The following ABTB2 variants were observed in gnomAD, a reference collection of about 807,000 sequenced individuals.
The protein encoded by ABTB2 is ankyrin repeat and BTB/POZ domain-containing protein 2.
In ABTB2, 56 loss-of-function variants were observed where a neutral mutation model predicts 104.1. The observed-to-expected ratio is 0.54, with a 90% CI of 0.43 to 0.67. The LOEUF (loss-of-function observed/expected upper bound fraction) is 0.67. ABTB2 is among the 30% of genes least tolerant of loss of function. The pLI is 0.00. For missense variants in ABTB2, 1,279 were observed against 1,407.7 expected, an observed-to-expected ratio of 0.91 and a Z score of 1.46; for synonymous variants, 606 against 608.2, an observed-to-expected ratio of 1.00 and a Z score of 0.05.
In ABTB2 at chr11:34,340,634, C is replaced by T. The variant is rs1423961516; in HGVS notation, c.883+16067G>A. Among the ~76,000 whole-genome samples the T allele has an allele frequency of 2.6e-5, 4 of 152,316 alleles. No individual in the cohort carries two copies. The South Asian group carries it at 8.3e-4, about 32-fold the overall frequency. The stretch of plus-strand genomic sequence containing the variant: ...TCCCAAAGCCACCCTCAGCTAAGAT[C>T]TCAGTGAAGCCTCTGTTAGACTCAG... On this transcript the variant is annotated intron_variant, in intron 1 of 16. Coordinates refer to ENST00000435224, the MANE Select transcript of ABTB2 (RefSeq NM_145804.3).
chr11:34,338,787 T>C (rs1564936082), intron 1 of ABTB2, among the ~76,000 whole-genome samples: 1 of 152,220 alleles, frequency 6.6e-6, no homozygotes, highest in Non-Finnish European at 1.5e-5. Context: ...AGAATACTAA[T>C]GTTATTTTCA....
At chr11:34,319,888 G>A (rs1296039783) in intron 1 of ABTB2, among the ~76,000 whole-genome samples, 6 of 152,090 alleles carry the variant, frequency 3.9e-5, no homozygotes, top group Middle Eastern at 3.4e-3. Flanking sequence ...GGCTGGTCTC[G>A]AACTCCTGAC....
intron 2 of ABTB2, among the ~76,000 whole-genome samples, chr11:34,201,943 AC>A (rs1853345503): frequency 6.6e-6 from 1 of 152,138 alleles, no homozygotes; most frequent in South Asian, 2.1e-4. Context: ...GAACATGCAT[AC>A]TCACAGGCAT....
chr11:34,151,086 T>TAAAA lies in ABTB2; in HGVS notation c.*1297_*1300dup, dbSNP rs1477060987. The TAAAA allele has an allele frequency of 6.5e-6, 1 of 152,686 alleles. No homozygotes were observed. The allele number at this position is 152,686 out of a possible 1,614,324, so 9.5% of individuals were successfully genotyped here. A position where few individuals can be genotyped will look rare whatever the true frequency, so the allele number is the denominator to read the frequency against. ...AAAGTATCATACAATATTACAGCAATAAAATAATGCCTATTTCTTTGTACA... is the reference window on the plus strand; with the variant it reads ...AAAGTATCATACAATATTACAGCAATAAAAAAAATAATGCCTATTTCTTTGTACA... On this transcript the variant is annotated 3_prime_UTR_variant, in exon 17 of 17. Coordinates refer to ENST00000435224, the MANE Select transcript of ABTB2 (RefSeq NM_145804.3).
intron 1 of ABTB2, among the ~76,000 whole-genome samples, 179 bp from the exon 2 acceptor site, chr11:34,204,869 G>C (rs543838598): frequency 6.6e-6 from 1 of 152,170 alleles, no homozygotes; most frequent in Non-Finnish European, 1.5e-5. Flanking sequence ...GGTGCTATAG[G>C]GGCCAGAATG....
chr11:34,233,363 G>T (rs569617696), intron 1 of ABTB2, among the ~76,000 whole-genome samples: 3 of 142,346 alleles, frequency 2.1e-5, no homozygotes, highest in Non-Finnish European at 3.0e-5. Flanking sequence ...GAGCCTCCTT[G>T]TTGCCCAGGC....
chr11:34,326,293 T>A (rs1237224979), intron 1 of ABTB2, among the ~76,000 whole-genome samples: 62 of 152,056 alleles, frequency 4.1e-4, no homozygotes, highest in Non-Finnish European at 1.2e-4. Context: ...AGAGATATAG[T>A]CAAAACACAT....
chr11:34,310,002 G>A (rs577507822), intron 1 of ABTB2, among the ~76,000 whole-genome samples: 35 of 152,236 alleles, frequency 2.3e-4, no homozygotes, highest in African/African-American at 7.2e-4. Flanking sequence ...TCCTGACAGC[G>A]GCCTAGCGAT....
intron 3 of ABTB2, among the ~76,000 whole-genome samples, chr11:34,183,657 A>G (rs1293219750): frequency 2.6e-5 from 4 of 152,010 alleles, no homozygotes; most frequent in African/African-American, 7.3e-5. Flanking sequence ...CACTCGTCCA[A>G]TTTGCAATGA....
intron 1 of ABTB2, among the ~76,000 whole-genome samples, chr11:34,306,876 TC>T (rs888245615): frequency 6.6e-6 from 1 of 151,162 alleles, no homozygotes; most frequent in African/African-American, 2.4e-5. Context: ...TCTGATGAGT[TC>T]AGCACATAGC....
intron 9 of ABTB2, among the ~76,000 whole-genome samples, chr11:34,163,551 T>C (rs1852752992): frequency 6.6e-6 from 1 of 152,134 alleles, no homozygotes; most frequent in Non-Finnish European, 1.5e-5. Flanking sequence ...TTCTGTCACC[T>C]CCTGTGGCCT....
intron 1 of ABTB2, among the ~76,000 whole-genome samples, chr11:34,303,636 CTTTTTT>C (rs35677380): frequency 1.3e-5 from 1 of 79,088 alleles, no homozygotes. Flanking sequence ...ACTATGGGTG[CTTTTTT>C]TTTTTTTTTT....
chr11:34,196,021 G>A (rs1392334180), intron 3 of ABTB2, among the ~76,000 whole-genome samples: 2 of 152,070 alleles, frequency 1.3e-5, no homozygotes, highest in African/African-American at 4.8e-5. Flanking sequence ...GCTTCACTGA[G>A]TGGTGAAATG....
intron 5 of ABTB2, among the ~76,000 whole-genome samples, chr11:34,169,530 A>G (rs554547070): frequency 2.6e-5 from 4 of 152,220 alleles, no homozygotes; most frequent in Admixed American, 1.3e-4. Flanking sequence ...CAGCTCTTAC[A>G]TGGCCACTAA....
rs868583962 is a variant in ABTB2, at chr11:34,248,117, A to T, written c.884-43427T>A. On this transcript the variant is annotated intron_variant, in intron 1 of 16. Coordinates refer to ENST00000435224, the MANE Select transcript of ABTB2 (RefSeq NM_145804.3). ...TTCTTAAAAAAAAAAAAAAAAAAAA[A>T]AAAAACAGGGTCTTGCCCTGTCACC... is the stretch of plus-strand genomic sequence containing the variant. Among the ~76,000 whole-genome samples, 15 of 134,018 alleles carry T rather than the reference A, an allele frequency of 1.1e-4. 1 individual carries two copies. Among genetic ancestry groups the T allele is most frequent in the African/African-American group, 2.3e-4 (8 of 34,572 alleles). 87.9% of individuals were successfully genotyped at this position (134,018 alleles called of 152,430 possible).
intron 10 of ABTB2, 126 bp from the exon 11 acceptor site, chr11:34,161,207 C>T (rs1239423588): frequency 9.4e-6 from 9 of 958,210 alleles, no homozygotes; most frequent in Non-Finnish European, 1.3e-5. Flanking sequence ...CCCGCCCGCC[C>T]CCTCCCGCCT....
intron 1 of ABTB2, among the ~76,000 whole-genome samples, chr11:34,301,228 T>TG (rs1489941759): frequency 6.6e-6 from 1 of 152,174 alleles, no homozygotes; most frequent in Admixed American, 6.5e-5. Context: ...AGAAGGGAGC[T>TG]GCCCACATGC....
chr11:34,163,003 G>A (rs1852745807), intron 9 of ABTB2, among the ~76,000 whole-genome samples, 198 bp from the exon 10 acceptor site: 2 of 152,332 alleles, frequency 1.3e-5, no homozygotes, highest in African/African-American at 4.8e-5. Context: ...AGGCAGGGCA[G>A]GGTGCAGGGG....
At chr11:34,245,224 C>T (rs1303099394) in intron 1 of ABTB2, among the ~76,000 whole-genome samples, 1 of 152,186 alleles carries the variant, frequency 6.6e-6, no homozygotes, top group African/African-American at 2.4e-5. Flanking sequence ...AGGTTCAGCA[C>T]CGTTTCCTCT....
Sources: allele counts gnomAD v4.1 joint callset (sites outside exome capture counted in the v4.1 genomes callset), GRCh38; gene constraint gnomAD v4.1.1; transcripts MANE v1.5; gene names NCBI Gene and HGNC (gene_info 2026-07-23, HGNC 2026-07-21).